Variants in RAB27B observed in about 807,000 individuals in gnomAD.
The protein encoded by RAB27B is RAB27B, member RAS oncogene family.
In RAB27B, 15 loss-of-function variants were observed where a neutral mutation model predicts 24.6. That is an observed-to-expected ratio of 0.61 (90% CI 0.41 to 0.94). The LOEUF (loss-of-function observed/expected upper bound fraction) is 0.94. Among genes scored for constraint, RAB27B ranks in the 40% least tolerant of loss-of-function variants. RAB27B has a pLI of 0.00. For synonymous variants in RAB27B, 105 were observed against 92.5 expected (o/e 1.14, Z -0.78); for missense variants, 261 against 266.8 (o/e 0.98, Z 0.15).
intron 2 of RAB27B, among the ~76,000 whole-genome samples, chr18:54,783,135 AT>A (rs1568064206): frequency 6.6e-6 from 1 of 151,558 alleles, no homozygotes; most frequent in Non-Finnish European, 1.5e-5. Context: ...TTTTTTTAAA[AT>A]TTTTTTATTT....
intron 1 of RAB27B, among the ~76,000 whole-genome samples, chr18:54,867,725 G>A (rs138826395): frequency 2.4e-3 from 371 of 152,206 alleles, no homozygotes; most frequent in African/African-American, 8.1e-3. Flanking sequence ...GATTACAGGC[G>A]TGAGCCACCA....
chr18:54,854,337 T>G (rs1458591357), intron 1 of RAB27B, among the ~76,000 whole-genome samples: 1 of 152,232 alleles, frequency 6.6e-6, no homozygotes, highest in African/African-American at 2.4e-5. Flanking sequence ...CTATTGACTT[T>G]ATTCTAGTAA....
At chr18:54,802,852 T>C (rs1440319876) in intron 2 of RAB27B, among the ~76,000 whole-genome samples, 1 of 152,222 alleles carries the variant, frequency 6.6e-6, no homozygotes, top group Non-Finnish European at 1.5e-5. Context: ...CAAGTCTTTG[T>C]CAATGGGACA....
In RAB27B at chr18:54,771,591, AGTGTGTGTGTGTGTGTGTGT is replaced by A. The variant is rs36228307; in HGVS notation, c.-20+53478_-20+53497del. Among the ~76,000 whole-genome samples the A allele has an allele frequency of 2.3e-3, 330 of 144,984 alleles. 1 individual carries two copies. Among genetic ancestry groups the A allele is most frequent in the African/African-American group, 7.7e-3 (304 of 39,456 alleles). ...ATTATGGTGATAGAGCTGATAGTTT[AGTGTGTGTGTGTGTGTGTGT>A]GTGTGTGTGTGTGTGTGTGTGTGTG... is the stretch of plus-strand genomic sequence containing the variant. On this transcript the variant is annotated intron_variant, in intron 2 of 4. Coordinates refer to the RAB27B transcript ENST00000586570.
At chr18:54,840,567 G>C (rs1171862914) in intron 1 of RAB27B, among the ~76,000 whole-genome samples, 1 of 152,146 alleles carries the variant, frequency 6.6e-6, no homozygotes, top group Admixed American at 6.5e-5. Context: ...GGAATTTCTG[G>C]AGCAGCTACT....
At chr18:54,813,033 A>T (rs1296045218) in intron 2 of RAB27B, among the ~76,000 whole-genome samples, 1 of 152,196 alleles carries the variant, frequency 6.6e-6, no homozygotes, top group East Asian at 1.9e-4. Flanking sequence ...ATGTCATGGC[A>T]TAGAAATATG....
At chr18:54,746,759 T>C (rs555598784) in intron 2 of RAB27B, among the ~76,000 whole-genome samples, 1 of 152,264 alleles carries the variant, frequency 6.6e-6, no homozygotes, top group Admixed American at 6.5e-5. Context: ...GGAAACACAA[T>C]CAGTATATGT....
intron 1 of RAB27B, among the ~76,000 whole-genome samples, chr18:54,876,672 T>C (rs1912715927): frequency 6.6e-6 from 1 of 152,124 alleles, no homozygotes; most frequent in Admixed American, 6.5e-5. Context: ...GGATTAAAGC[T>C]TGTCATGTCA....
At chr18:54,801,437 C>T (rs909031288) in intron 2 of RAB27B, among the ~76,000 whole-genome samples, 5 of 152,164 alleles carry the variant, frequency 3.3e-5, no homozygotes, top group African/African-American at 9.7e-5. Context: ...CTCTTTCTCT[C>T]TCTTAAAAAA....
intron 2 of RAB27B, among the ~76,000 whole-genome samples, chr18:54,749,827 G>T (rs1217754665): frequency 6.6e-6 from 1 of 152,066 alleles, no homozygotes; most frequent in Non-Finnish European, 1.5e-5. Flanking sequence ...TGGGGGGTTG[G>T]TTGTTTTTTT....
chr18:54,818,738 A>G (rs1167746831), intron 2 of RAB27B, among the ~76,000 whole-genome samples: 5 of 152,318 alleles, frequency 3.3e-5, no homozygotes, highest in South Asian at 2.1e-4. Flanking sequence ...TGAATGCTCT[A>G]TAACAACGTG....
chr18:54,879,117 A>C (rs962553196), intron 2 of RAB27B, among the ~76,000 whole-genome samples: 3 of 152,196 alleles, frequency 2.0e-5, no homozygotes, highest in Non-Finnish European at 4.4e-5. Flanking sequence ...TTGCTGCCTC[A>C]TGAGGAAATG....
intron 1 of RAB27B, among the ~76,000 whole-genome samples, chr18:54,872,625 TAAAAAAAA>T (rs67765103): frequency 2.2e-5 from 3 of 137,578 alleles, no homozygotes; most frequent in East Asian, 4.2e-4. Flanking sequence ...AACTCTGCCT[TAAAAAAAA>T]AAAAAAAGAA....
rs755000633 is a variant in RAB27B, at chr18:54,850,837, T to G, written c.-20+22137T>G. On this transcript the variant is annotated intron_variant, in intron 1 of 5. Coordinates refer to ENST00000262094, the MANE Select transcript of RAB27B (RefSeq NM_004163.4). ...TTAAAAATATTAATTTTCTGACTCT[T>G]TAGGAATACATATTCCTAAAGAGAG... is the stretch of plus-strand genomic sequence containing the variant. Among the ~76,000 whole-genome samples the G allele has an allele frequency of 3.0e-4, 45 of 151,656 alleles. 1 individual carries two copies. The highest frequency in any genetic ancestry group is 2.5e-4 in the Non-Finnish European group (17 of 67,912).
At chr18:54,748,408 A>G (rs146387194) in intron 2 of RAB27B, among the ~76,000 whole-genome samples, 4 of 152,318 alleles carry the variant, frequency 2.6e-5, no homozygotes, top group Admixed American at 1.3e-4. Flanking sequence ...ATAATTTCTT[A>G]TTAATAAAAT....
At chr18:54,851,816 G>T (rs1247298929) in intron 1 of RAB27B, among the ~76,000 whole-genome samples, 2 of 152,008 alleles carry the variant, frequency 1.3e-5, no homozygotes, top group East Asian at 1.9e-4. Context: ...CTGTGATTGT[G>T]TTAAATTGAG....
intron 1 of RAB27B, among the ~76,000 whole-genome samples, chr18:54,834,410 G>A (rs976053272): frequency 6.6e-6 from 1 of 152,156 alleles, no homozygotes; most frequent in African/African-American, 2.4e-5. Context: ...AGGGCATTCA[G>A]TCTCCTTAAG....
At chr18:54,736,410 T>A (rs184914115) in intron 2 of RAB27B, among the ~76,000 whole-genome samples, 2 of 152,226 alleles carry the variant, frequency 1.3e-5, no homozygotes, top group African/African-American at 4.8e-5. Flanking sequence ...GGTTTTCTCA[T>A]TAGCAAAATG....
At chr18:54,753,903 C>A (rs539468824) in intron 2 of RAB27B, among the ~76,000 whole-genome samples, 137 of 152,268 alleles carry the variant, frequency 9.0e-4, no homozygotes, top group African/African-American at 3.2e-3. Flanking sequence ...AATATTTATA[C>A]CAGCAGACCC....
Sources: gnomAD v4.1 joint callset for allele counts (sites outside exome capture counted in the v4.1 genomes callset) on GRCh38, gnomAD v4.1.1 for gene constraint, MANE v1.5 for transcripts, NCBI Gene and HGNC (gene_info 2026-07-23, HGNC 2026-07-21) for gene names.